Variants in ERG observed in about 807,000 individuals in gnomAD.
The protein encoded by ERG is transcriptional regulator ERG.
A neutral mutation model predicts 55.3 loss-of-function variants in ERG; 9 were observed. The ratio of observed to expected loss-of-function variants is 0.16; its 90% CI spans 0.10 to 0.28. The LOEUF is 0.28. Among genes scored for constraint, ERG ranks in the 10% least tolerant of loss-of-function variants. The probability of loss-of-function intolerance (pLI) is 1.00; values close to 1 mark genes in which losing one functional copy is unlikely to be tolerated. For missense variants in ERG, 434 were observed against 631.6 expected, an observed-to-expected ratio of 0.69 and a Z score of 3.35; for synonymous variants, 223 against 237.3, an observed-to-expected ratio of 0.94 and a Z score of 0.55.
chr21:38,392,572 A>T, intron 6 of ERG, 128 bp from the exon 7 acceptor site: 2 of 601,112 alleles, frequency 3.3e-6, no homozygotes, highest in Non-Finnish European at 2.7e-6. Context: ...ATCCAAAGAA[A>T]TATCCCACTA....
chr21:38,495,310 G>C (rs2059370651), intron 1 of ERG, among the ~76,000 whole-genome samples: 1 of 152,196 alleles, frequency 6.6e-6, no homozygotes, highest in Non-Finnish European at 1.5e-5. Flanking sequence ...ATCAGGTCGT[G>C]TTTCAATTAC....
At chr21:38,607,239 C>T (rs1209066529) in intron 1 of ERG, among the ~76,000 whole-genome samples, 2 of 152,120 alleles carry the variant, frequency 1.3e-5, no homozygotes, top group South Asian at 2.1e-4. Context: ...GAGGGAAAGA[C>T]CAAAAGATTT....
intron 1 of ERG, among the ~76,000 whole-genome samples, chr21:38,637,447 T>C (rs545645211): frequency 1.3e-5 from 2 of 152,300 alleles, no homozygotes; most frequent in Admixed American, 6.5e-5. Flanking sequence ...AGTGATCACG[T>C]TGGAATTAGA....
At chr21:38,643,938 C>G (rs976372467) in intron 1 of ERG, among the ~76,000 whole-genome samples, 1 of 152,224 alleles carries the variant, frequency 6.6e-6, no homozygotes, top group Non-Finnish European at 1.5e-5. Flanking sequence ...CCCACAGACA[C>G]CATCCACTGC....
intron 1 of ERG, among the ~76,000 whole-genome samples, chr21:38,661,480 C>T (rs765419610): frequency 6.6e-6 from 1 of 152,144 alleles, no homozygotes; most frequent in Non-Finnish European, 1.5e-5. Flanking sequence ...GGCACCGCGG[C>T]CTGGTCTGAC....
At position 38,380,064 on chromosome 21, in the gene ERG, T is replaced by C. The variant is rs1227316508; in HGVS notation, c.*3339A>G. 9.8e-7 allele frequency: 1 copy of C among 1,016,010 alleles called. No individual in the cohort carries two copies. Among genetic ancestry groups the C allele is most frequent in the Non-Finnish European group, 1.2e-6 (1 of 847,562 alleles). The allele number at this position is 1,016,010 out of a possible 1,614,324, so 62.9% of individuals were successfully genotyped here. A position where few individuals can be genotyped will look rare whatever the true frequency, so the allele number is the denominator to read the frequency against. ...TTGAGTAGTCCAAAGTAATTTTTAT[T>C]CTCTAATTAGTCACCTCACGACTTT... On this transcript the variant is annotated 3_prime_UTR_variant, in exon 10 of 10. Coordinates refer to ENST00000288319, the MANE Select transcript of ERG (RefSeq NM_182918.4).
At chr21:38,513,457 A>T (rs2059529728) in intron 2 of ERG, among the ~76,000 whole-genome samples, 1 of 152,216 alleles carries the variant, frequency 6.6e-6, no homozygotes. Flanking sequence ...TATCAGTATG[A>T]GGAAATATCT....
intron 3 of ERG, among the ~76,000 whole-genome samples, chr21:38,423,082 G>A (rs56235004): frequency 2.1e-4 from 23 of 108,318 alleles, no homozygotes; most frequent in African/African-American, 8.7e-4. Context: ...CTCTCCATAC[G>A]TAGTGTGTGT....
chr21:38,406,904 G>A lies in ERG; in HGVS notation c.389-3195C>T, dbSNP rs116371868. 5.9e-3 allele frequency among the ~76,000 whole-genome samples: 904 copies of A among 152,196 alleles called. 9 individuals carry two copies. Among genetic ancestry groups the A allele is most frequent in the African/African-American group, 0.021 (869 of 41,508 alleles). On this transcript the variant is annotated intron_variant, in intron 3 of 9. Coordinates refer to ENST00000288319, the MANE Select transcript of ERG (RefSeq NM_182918.4). The stretch of plus-strand genomic sequence containing the variant: ...CCTGGCCCATTCAGTTTTCCTTTAA[G>A]GGAATCAGGTGCAAGACCCCAGAGA...
chr21:38,399,746 C>T (rs187833875), intron 6 of ERG, among the ~76,000 whole-genome samples: 6 of 152,364 alleles, frequency 3.9e-5, no homozygotes, highest in East Asian at 1.9e-4. Flanking sequence ...CCTCCCCACC[C>T]CTGCTCCTAC....
At chr21:38,581,627 G>A (rs890017752) in intron 1 of ERG, among the ~76,000 whole-genome samples, 2 of 152,266 alleles carry the variant, frequency 1.3e-5, no homozygotes, top group Middle Eastern at 3.4e-3. Flanking sequence ...ATCCCCAGTG[G>A]CCAGTGATTT....
chr21:38,491,909 C>T (rs930069945), intron 1 of ERG, among the ~76,000 whole-genome samples: 1 of 152,160 alleles, frequency 6.6e-6, no homozygotes, highest in Non-Finnish European at 1.5e-5. Context: ...AGAGTTTTAC[C>T]TCTTGAATTT....
chr21:38,522,348 A>G (rs1171342356), intron 2 of ERG, among the ~76,000 whole-genome samples: 1 of 152,140 alleles, frequency 6.6e-6, no homozygotes, highest in Non-Finnish European at 1.5e-5. Flanking sequence ...TTCTTATCAT[A>G]TCTATAAATT....
At chr21:38,461,103 T>C (rs769591105) in intron 1 of ERG, among the ~76,000 whole-genome samples, 2 of 152,168 alleles carry the variant, frequency 1.3e-5, no homozygotes, top group Admixed American at 6.5e-5. Context: ...GCCAAGACAA[T>C]GTACCACGGA....
At chr21:38,425,611 G>A (rs1011260397) in intron 2 of ERG, among the ~76,000 whole-genome samples, 3 of 152,164 alleles carry the variant, frequency 2.0e-5, no homozygotes, top group Non-Finnish European at 2.9e-5. Flanking sequence ...TCTATCCAAT[G>A]CATACATTTT....
chr21:38,391,726 A>G lies in ERG; in HGVS notation c.815-11T>C, dbSNP rs2146429390. 6.2e-7 allele frequency: 1 copy of G among 1,613,084 alleles called. No individual in the cohort carries two copies. Among genetic ancestry groups the G allele is most frequent in the Non-Finnish European group, 8.5e-7 (1 of 1,179,334 alleles). ...GAGATGGTTGAGCAGCTGAAAATCC[A>G]GAAATACAAAAGGCAATTAGCTATA... On this transcript the variant is annotated splice_polypyrimidine_tract_variant and intron_variant, in intron 7 of 9. Coordinates refer to ENST00000288319, the MANE Select transcript of ERG (RefSeq NM_182918.4).
intron 2 of ERG, among the ~76,000 whole-genome samples, chr21:38,573,211 G>T (rs369550204): frequency 2.0e-5 from 3 of 152,232 alleles, no homozygotes; most frequent in Non-Finnish European, 2.9e-5. Flanking sequence ...CCTTGAAAGC[G>T]GGGTATTGTC....
At chr21:38,602,460 C>A (rs773882419) in intron 1 of ERG, among the ~76,000 whole-genome samples, 6 of 151,874 alleles carry the variant, frequency 4.0e-5, no homozygotes, top group Non-Finnish European at 5.9e-5. Flanking sequence ...TAAATAAATA[C>A]ATAAATAAAT....
chr21:38,538,928 C>T lies in ERG; in HGVS notation c.-41+36734G>A, dbSNP rs144114110. 1.8e-4 allele frequency among the ~76,000 whole-genome samples: 27 copies of T among 152,004 alleles called. No homozygotes were observed. In the East Asian group the frequency reaches 3.9e-3, roughly 22 times the overall value. On this transcript the variant is annotated intron_variant, in intron 2 of 8. Coordinates refer to the ERG transcript ENST00000398897. ...CTTTTCCTCCAGGAACAGAGACTGC[C>T]CAGGGCCTGTCCAAGACAACTAGGA...
Sources: gnomAD v4.1 joint callset for allele counts (sites outside exome capture counted in the v4.1 genomes callset) on GRCh38, gnomAD v4.1.1 for gene constraint, MANE v1.5 for transcripts, NCBI Gene and HGNC (gene_info 2026-07-23, HGNC 2026-07-21) for gene names.